Variants in LOXHD1 observed in about 807,000 individuals in gnomAD.
The protein encoded by LOXHD1 is lipoxygenase homology PLAT domains 1, also known as lipoxygenase homology domain-containing protein 1.
In LOXHD1, 205 loss-of-function variants were observed where a neutral mutation model predicts 248.2. That is an observed-to-expected ratio of 0.83 (90% confidence interval 0.74 to 0.93). LOXHD1 has a LOEUF of 0.93. LOXHD1 is among the 40% of genes least tolerant of loss of function. The pLI, the probability that LOXHD1 is intolerant of heterozygous loss-of-function variation, is 0.00. For missense variants in LOXHD1, 2,930 were observed against 2,971.6 expected (o/e 0.99, Z 0.33); for synonymous variants, 1,113 against 1,162.8 (o/e 0.96, Z 0.87).
intron 34 of LOXHD1, among the ~76,000 whole-genome samples, chr18:46,517,210 T>A (rs1377763571): frequency 6.6e-6 from 1 of 152,090 alleles, no homozygotes; most frequent in East Asian, 1.9e-4. Context: ...TGGCTGAACA[T>A]GACAAACCAG....
rs370302584 is a variant in LOXHD1 at position 46,638,060 on chromosome 18, A to T, written c.511+1556T>A. On this transcript the variant is annotated intron_variant, in intron 4 of 40. Transcript: ENST00000642948. ...ATAAATGATGGTATCTCCATGCTCC[A>T]GGGCACCACAGAGCCATTCCAAGGA... Among the ~76,000 whole-genome samples the T allele has an allele frequency of 5.3e-5, 8 of 152,338 alleles. No homozygotes were observed. The East Asian group carries it at 5.8e-4, about 11-fold the overall frequency.
At chr18:46,537,371 A>T (rs887301478) in intron 26 of LOXHD1, among the ~76,000 whole-genome samples, 8 of 152,174 alleles carry the variant, frequency 5.3e-5, no homozygotes, top group Admixed American at 4.6e-4. Context: ...TTTTATGATA[A>T]TTAAGTGGGT....
At chr18:46,515,272 C>T (rs1490372522) in intron 34 of LOXHD1, among the ~76,000 whole-genome samples, 1 of 152,200 alleles carries the variant, frequency 6.6e-6, no homozygotes, top group African/African-American at 2.4e-5. Flanking sequence ...GCCCATGACA[C>T]ATGCCCAGTG....
At chr18:46,607,550 G>C (rs1056819030) in intron 6 of LOXHD1, among the ~76,000 whole-genome samples, 2 of 151,070 alleles carry the variant, frequency 1.3e-5, no homozygotes, top group African/African-American at 2.4e-5. Context: ...ATATTAACTG[G>C]TTATTTTTGG....
At chr18:46,647,390 G>A (rs2039045183) in intron 2 of LOXHD1, among the ~76,000 whole-genome samples, 1 of 152,198 alleles carries the variant, frequency 6.6e-6, no homozygotes, top group African/African-American at 2.4e-5. Flanking sequence ...AAGAATCTGA[G>A]GATGCTGAAT....
chr18:46,649,288 A>G lies in LOXHD1; in HGVS notation c.131-19T>C. 1 of 1,540,944 alleles carries G rather than the reference A, an allele frequency of 6.5e-7. No individual in the cohort carries two copies. Among genetic ancestry groups the G allele is most frequent in the Non-Finnish European group, 8.8e-7 (1 of 1,137,586 alleles). On this transcript the variant is annotated intron_variant, in intron 1 of 40. Coordinates refer to ENST00000642948, the MANE Select transcript of LOXHD1 (RefSeq NM_001384474.1). ...TCATACACTGGAGGAGGAGAGGAGG[A>G]GACAGATTGCAGGCTCAGAAAAAAA... is the stretch of plus-strand genomic sequence containing the variant.
chr18:46,553,665 A>G (rs1412359268), intron 21 of LOXHD1, among the ~76,000 whole-genome samples: 1 of 152,238 alleles, frequency 6.6e-6, no homozygotes, highest in Non-Finnish European at 1.5e-5. Flanking sequence ...TGAGGCCATT[A>G]ACGACATGGA....
chr18:46,524,601 C>G lies in LOXHD1; in HGVS notation c.4741G>C (p.Glu1581Gln), dbSNP rs1301423645. Residue 1581 changes from glutamate (E) to glutamine (Q), a missense_variant and splice_region_variant, in exon 31 of 41, where the codon GAG (glutamate) becomes CAG (glutamine). Glu to Gln is a conservative substitution (Grantham distance 29). Transcript: ENST00000642948. ...TTGCTGCTGCGGTCCCCAGTGTACT[C>G]CTGTGTGGGAGAGCAGGACTGGCAG... ...GRLERLFYEKEYTGDRSSNCS... is the reference protein window; with the variant it reads ...GRLERLFYEKQYTGDRSSNCS... 7.1e-6 allele frequency: 11 copies of G among 1,551,612 alleles called. No individual in the cohort carries two copies. The highest frequency in any genetic ancestry group is 8.7e-6 in the Non-Finnish European group (10 of 1,147,006).
At chr18:46,609,511 G>A (rs2038472496) in intron 6 of LOXHD1, among the ~76,000 whole-genome samples, 1 of 152,154 alleles carries the variant, frequency 6.6e-6, no homozygotes, top group South Asian at 2.1e-4. Flanking sequence ...TAAGCAATAA[G>A]ACCTTTCTCA....
chr18:46,518,651 C>T (rs1434037478), intron 33 of LOXHD1, among the ~76,000 whole-genome samples: 6 of 152,356 alleles, frequency 3.9e-5, no homozygotes, highest in Non-Finnish European at 5.9e-5. Context: ...CTGTTAGACC[C>T]GGGCAGATGC....
At chr18:46,505,188 T>C (rs2034481439) in intron 37 of LOXHD1, among the ~76,000 whole-genome samples, 1 of 147,224 alleles carries the variant, frequency 6.8e-6, no homozygotes. Flanking sequence ...AATCCCTTCT[T>C]TTTTTTTTTT....
At chr18:46,573,059 C>T (rs1599017373) in intron 14 of LOXHD1, among the ~76,000 whole-genome samples, 1 of 147,532 alleles carries the variant, frequency 6.8e-6, no homozygotes, top group African/African-American at 2.5e-5. Context: ...CAGGATAGAC[C>T]AGCTGAGGCA....
chr18:46,604,872 C>G (rs1225799071), intron 6 of LOXHD1, among the ~76,000 whole-genome samples: 1 of 152,126 alleles, frequency 6.6e-6, no homozygotes, highest in Admixed American at 6.5e-5. Flanking sequence ...AAAACTCGCT[C>G]TAGGATAAGT....
intron 34 of LOXHD1, among the ~76,000 whole-genome samples, chr18:46,517,732 G>A (rs972945786): frequency 6.6e-6 from 1 of 152,030 alleles, no homozygotes; most frequent in Non-Finnish European, 1.5e-5. Context: ...CAGAAAAGTT[G>A]CAAAAATAGA....
At chr18:46,601,779 C>T (rs987752318) in intron 7 of LOXHD1, 7 of 360,396 alleles carry the variant, frequency 1.9e-5, no homozygotes, top group African/African-American at 1.5e-4. Flanking sequence ...AAGAATAGTA[C>T]TTATTATTAA....
At chr18:46,631,821 G>A (rs766970260) in intron 4 of LOXHD1, among the ~76,000 whole-genome samples, 10 of 152,304 alleles carry the variant, frequency 6.6e-5, no homozygotes, top group South Asian at 2.1e-4. Context: ...AACAGCTGTC[G>A]GCTGTCCGTG....
chr18:46,531,727 T>C (rs2036081257), intron 28 of LOXHD1, among the ~76,000 whole-genome samples: 1 of 152,196 alleles, frequency 6.6e-6, no homozygotes, highest in African/African-American at 2.4e-5. Context: ...CATGGAGAGA[T>C]GTTTCCCTAG....
rs1046929479 is a variant in LOXHD1, at chr18:46,610,894, T to C, written c.641A>G (p.Asn214Ser). The change falls in exon 6 of 41, where the codon AAC (asparagine) becomes AGC (serine). Residue 214 changes from asparagine (N) to serine (S), a missense_variant. Transcript: ENST00000642948. ...CCTGTCTTCAGCTCCCTTTTCAAAG[T>C]TGTCCTTTTCATTTTCTAGCCTACG... ...GERRLENEKD[N>S]FEKGAEDRFI... 1.1e-5 allele frequency: 17 copies of C among 1,551,710 alleles called. No individual in the cohort carries two copies. Among genetic ancestry groups the C allele is most frequent in the Middle Eastern group, 1.7e-4 (1 of 6,014 alleles).
intron 17 of LOXHD1, among the ~76,000 whole-genome samples, chr18:46,564,211 G>A (rs778108217): frequency 1.3e-5 from 2 of 151,822 alleles, no homozygotes; most frequent in Admixed American, 6.6e-5. Flanking sequence ...AATAGATAAC[G>A]TCTAAGACTG....
Sources: allele counts gnomAD v4.1 joint callset (sites outside exome capture counted in the v4.1 genomes callset), GRCh38; gene constraint gnomAD v4.1.1; transcripts MANE v1.5; gene names NCBI Gene and HGNC (gene_info 2026-07-23, HGNC 2026-07-21).